PRKACB: variants seen among roughly 807,000 people sequenced by gnomAD.
The protein encoded by PRKACB is cAMP-dependent protein kinase catalytic subunit beta.
Under a neutral mutation model 51.4 loss-of-function variants are expected in PRKACB, and 16 were observed. The ratio of observed to expected loss-of-function variants is 0.31; its 90% CI spans 0.21 to 0.47. The LOEUF is 0.47. Ranked by LOEUF, PRKACB falls within the 20% of genes least tolerant of loss-of-function variation. The probability of loss-of-function intolerance (pLI) is 1.00; values close to 1 mark genes in which losing one functional copy is unlikely to be tolerated. For missense variants in PRKACB, 309 were observed against 464.5 expected, an observed-to-expected ratio of 0.67 and a Z score of 3.08; for synonymous variants, 147 against 154.4, an observed-to-expected ratio of 0.95 and a Z score of 0.35.
intron 1 of PRKACB, among the ~76,000 whole-genome samples, chr1:84,170,538 C>T (rs1659097027): frequency 1.3e-5 from 2 of 151,612 alleles, no homozygotes; most frequent in Admixed American, 1.3e-4. Flanking sequence ...AGGCTTGTAA[C>T]ATATACTCTA....
At chr1:84,116,817 T>C (rs753977717) in intron 1 of PRKACB, among the ~76,000 whole-genome samples, 2 of 152,202 alleles carry the variant, frequency 1.3e-5, no homozygotes, top group Non-Finnish European at 2.9e-5. Context: ...TTTCTTTCTC[T>C]TGCCTGTTTC....
chr1:84,136,197 C>T (rs563953735), intron 1 of PRKACB, among the ~76,000 whole-genome samples: 1 of 147,710 alleles, frequency 6.8e-6, no homozygotes, highest in Non-Finnish European at 1.5e-5. Flanking sequence ...GTAAATAAAT[C>T]TGAATGCTTC....
At chr1:84,204,599 T>C in intron 8 of PRKACB, 1 of 1,354,458 alleles carries the variant, frequency 7.4e-7, no homozygotes, top group Non-Finnish European at 9.7e-7. Flanking sequence ...ATATGAAGAA[T>C]GATGAGAGAA....
Position 84,235,448 on chromosome 1 carries a change from C to A in PRKACB, c.*143C>A, listed in dbSNP as rs1252774075. ...AGTGAGGTCTTTATTGCCATCATCC[C>A]GTGTGCGCACTCTGCATCCACCTAT... On this transcript the variant is annotated 3_prime_UTR_variant, in exon 10 of 10. Coordinates refer to ENST00000370685, the MANE Select transcript of PRKACB (RefSeq NM_182948.4). 2 of 1,040,286 alleles carry A rather than the reference C, an allele frequency of 1.9e-6. No homozygotes were observed. The highest frequency in any genetic ancestry group is 1.4e-6 in the Non-Finnish European group (1 of 715,766). 64.4% of individuals were successfully genotyped at this position (1,040,286 alleles called of 1,614,324 possible).
rs767368051 is a variant in PRKACB at position 84,085,799 on chromosome 1, C to T, written c.46+7428C>T. ...GCCTCAGTCGTCTCCAGGAAGCCCT[C>T]TCAGGATCGGTGGCCACCTCTCACT... On this transcript the variant is annotated intron_variant, in intron 1 of 8. Transcript: ENST00000370688. 1.4e-4 allele frequency: 57 copies of T among 403,726 alleles called. No individual in the cohort carries two copies. The Middle Eastern group carries it at 3.2e-3, about 23-fold the overall frequency. The allele number at this position is 403,726 out of a possible 1,614,324, so 25.0% of individuals were successfully genotyped here. A position where few individuals can be genotyped will look rare whatever the true frequency, so the allele number is the denominator to read the frequency against.
intron 1 of PRKACB, among the ~76,000 whole-genome samples, chr1:84,104,899 A>G (rs1380085370): frequency 6.6e-6 from 1 of 152,064 alleles, no homozygotes; most frequent in East Asian, 1.9e-4. Context: ...CCTTGCATCT[A>G]CTAGTTGGGC....
In PRKACB at chr1:84,182,339, T is replaced by C; in HGVS notation, c.378+11T>C. On this transcript the variant is annotated intron_variant, in intron 3 of 9. Transcript: ENST00000370685. ...TTAGATAAGCAGAAGGTGAGTGTAT[T>C]TGTTGTTATTTACCTTCAGGGTAAA... 6.6e-7 allele frequency: 1 copy of C among 1,521,484 alleles called. No homozygotes were observed. Among genetic ancestry groups the C allele is most frequent in the Non-Finnish European group, 8.8e-7 (1 of 1,133,998 alleles). 94.2% of individuals were successfully genotyped at this position (1,521,484 alleles called of 1,614,324 possible). A position where few individuals can be genotyped will look rare whatever the true frequency, so the allele number is the denominator to read the frequency against.
At chr1:84,134,666 A>G (rs1319259961) in intron 1 of PRKACB, among the ~76,000 whole-genome samples, 2 of 152,250 alleles carry the variant, frequency 1.3e-5, no homozygotes, top group Non-Finnish European at 2.9e-5. Flanking sequence ...AAGAAGAAAA[A>G]TAGGACGGGG....
intron 1 of PRKACB, among the ~76,000 whole-genome samples, chr1:84,154,306 C>T (rs1354783562): frequency 1.3e-5 from 2 of 152,090 alleles, no homozygotes; most frequent in Non-Finnish European, 2.9e-5. Flanking sequence ...AGTATTTTCT[C>T]TCATTCTGTA....
intron 1 of PRKACB, among the ~76,000 whole-genome samples, chr1:84,170,832 A>G (rs754679545): frequency 3.6e-4 from 54 of 151,792 alleles, no homozygotes; most frequent in Admixed American, 7.3e-4. Flanking sequence ...GCCTTAAAAT[A>G]TACAAAACAA....
intron 3 of PRKACB, among the ~76,000 whole-genome samples, chr1:84,183,063 C>T (rs1664031954): frequency 6.6e-6 from 1 of 151,940 alleles, no homozygotes; most frequent in African/African-American, 2.4e-5. Flanking sequence ...CAGTATACTC[C>T]TAATTTTATA....
At chr1:84,084,598 TAG>T (rs1007314780) in intron 1 of PRKACB, among the ~76,000 whole-genome samples, 6 of 151,980 alleles carry the variant, frequency 3.9e-5, no homozygotes, top group African/African-American at 1.5e-4. Context: ...ACCAAGGTGG[TAG>T]AGGTTGGGAT....
In PRKACB at chr1:84,214,174, A is replaced by T. The variant is rs770447620; in HGVS notation, c.928A>T (p.Ser310Cys). Reference sequence around the variant, plus strand: ...GTAGGTCCGATTCCCATCCCACTTCAGTTCAGATCTCAAGGACCTTCTACG... The same window carrying T: ...GTAGGTCCGATTCCCATCCCACTTCTGTTCAGATCTCAAGGACCTTCTACG... The part of the protein sequence containing the change: ...SGKVRFPSHF[S>C]SDLKDLLRNL... The change falls in exon 9 of 10, where the codon AGT becomes TGT. Residue 310 changes from serine to cysteine, a missense_variant. By Grantham distance (112) the Ser-to-Cys change is moderately radical (BLOSUM62 -1). Transcript: ENST00000370685. 6.2e-6 allele frequency: 10 copies of T among 1,610,988 alleles called. No homozygotes were observed. In the Admixed American group the frequency reaches 1.5e-4, roughly 24 times the overall value.
chr1:84,154,733 A>G (rs886926150), intron 1 of PRKACB, among the ~76,000 whole-genome samples: 5 of 152,170 alleles, frequency 3.3e-5, no homozygotes, highest in Admixed American at 6.6e-5. Context: ...ATGGTTCAAC[A>G]TACACAAATC....
chr1:84,163,532 G>T (rs1456296468), intron 1 of PRKACB, among the ~76,000 whole-genome samples: 1 of 151,928 alleles, frequency 6.6e-6, no homozygotes, highest in African/African-American at 2.4e-5. Context: ...AAGTGAAGCT[G>T]CTAGTTTTCA....
intron 8 of PRKACB, among the ~76,000 whole-genome samples, chr1:84,206,785 A>T (rs1004446918): frequency 1.2e-4 from 19 of 152,154 alleles, no homozygotes; most frequent in Non-Finnish European, 2.9e-5. Flanking sequence ...CTTTAGGGAA[A>T]GTTTCATGTT....
intron 1 of PRKACB, among the ~76,000 whole-genome samples, chr1:84,092,987 T>C (rs996463097): frequency 1.3e-5 from 2 of 152,050 alleles, no homozygotes; most frequent in Admixed American, 6.6e-5. Context: ...GGGTACAGGA[T>C]TTTCCCCCCA....
chr1:84,235,371 C>T lies in PRKACB; in HGVS notation c.*66C>T, dbSNP rs898951236. The T allele has an allele frequency of 8.8e-6, 14 of 1,592,486 alleles. No homozygotes were observed. Among genetic ancestry groups the T allele is most frequent in the Non-Finnish European group, 1.2e-5 (14 of 1,168,710 alleles). ...CACTCTGTTGAGAGATAAGGTAGAGCTGAGACCGTCCTTGTTGAAGCAGTT... is the reference window on the plus strand; with the variant it reads ...CACTCTGTTGAGAGATAAGGTAGAGTTGAGACCGTCCTTGTTGAAGCAGTT... On this transcript the variant is annotated 3_prime_UTR_variant, in exon 10 of 10. Coordinates refer to ENST00000370685, the MANE Select transcript of PRKACB (RefSeq NM_182948.4).
chr1:84,146,139 T>A (rs1180713260), intron 1 of PRKACB, among the ~76,000 whole-genome samples: 2 of 115,248 alleles, frequency 1.7e-5, no homozygotes, highest in Non-Finnish European at 4.4e-5. Context: ...GATAAAATGC[T>A]GTTTTGTTTT....
Sources: allele counts gnomAD v4.1 joint callset (sites outside exome capture counted in the v4.1 genomes callset), GRCh38; gene constraint gnomAD v4.1.1; transcripts MANE v1.5; gene names NCBI Gene and HGNC (gene_info 2026-07-23, HGNC 2026-07-21).